COLEC11: variants seen among roughly 807,000 people sequenced by gnomAD.
COLEC11 encodes collectin-11.
COLEC11 carries 20 observed loss-of-function variants against 27.3 expected under a neutral mutation model. The observed-to-expected ratio is 0.73, with a 90% CI of 0.51 to 1.06. The LOEUF is 1.06. Among genes scored for constraint, COLEC11 ranks in the 50% least tolerant of loss-of-function variants. COLEC11 has a pLI of 0.00. For missense variants in COLEC11, 310 were observed against 383.0 expected (o/e 0.81, Z 1.59); for synonymous variants, 163 against 154.7 (o/e 1.05, Z -0.40).
At chr2:3,603,964 T>C (rs1461236140) in intron 1 of COLEC11, 2 of 564,966 alleles carry the variant, frequency 3.5e-6, no homozygotes, top group East Asian at 5.9e-5. Context: ...TCCATGTCTG[T>C]GGCTGGCTAT....
chr2:3,613,980 C>CT (rs57071680), intron 3 of COLEC11, among the ~76,000 whole-genome samples: 90,764 of 130,890 alleles, frequency 0.69, 31,159 homozygotes, highest in South Asian at 0.89. Flanking sequence ...TTCTTTCTTT[C>CT]TTTTTTTTTT....
In COLEC11 at chr2:3,611,107, G is replaced by A. The variant is rs187803934; in HGVS notation, c.131-2204G>A. Among the ~76,000 whole-genome samples the A allele has an allele frequency of 3.9e-5, 6 of 152,322 alleles. No individual in the cohort carries two copies. In the East Asian group the frequency reaches 1.2e-3, roughly 29 times the overall value. ...GCAGCTACTAAATCTTCGCAGCCAC[G>A]AAGGCTTTGTTCCTCTCTTTCCGGA... On this transcript the variant is annotated intron_variant, in intron 2 of 6. Transcript: ENST00000349077.
intron 3 of COLEC11, among the ~76,000 whole-genome samples, chr2:3,630,532 C>T (rs1664925103): frequency 6.6e-6 from 1 of 152,112 alleles, no homozygotes; most frequent in Non-Finnish European, 1.5e-5. Context: ...AATGAGTGCC[C>T]TTTACAGATT....
chr2:3,606,286 G>A, intron 2 of COLEC11: 2 of 1,509,002 alleles, frequency 1.3e-6, no homozygotes, highest in Non-Finnish European at 1.8e-6. Context: ...TGGGCTCCAG[G>A]GTCCTTTCTG....
At chr2:3,606,258 C>T (rs1197015763) in intron 2 of COLEC11, 12 of 1,548,782 alleles carry the variant, frequency 7.7e-6, no homozygotes, top group South Asian at 2.4e-5. Flanking sequence ...GTAGCCTGCA[C>T]TGGTGGGGGC....
At chr2:3,623,092 G>A (rs888030600) in intron 3 of COLEC11, among the ~76,000 whole-genome samples, 1 of 152,060 alleles carries the variant, frequency 6.6e-6, no homozygotes, top group Middle Eastern at 3.2e-3. Context: ...TTTTCTTTCA[G>A]TACTTTGAAT....
At chr2:3,604,989 C>G (rs1340873138) in intron 2 of COLEC11, 1 of 451,364 alleles carries the variant, frequency 2.2e-6, no homozygotes. Context: ...GTTGCTTTGT[C>G]TGTAATCTGC....
chr2:3,606,211 G>A, intron 2 of COLEC11: 2 of 1,550,522 alleles, frequency 1.3e-6, no homozygotes, highest in Non-Finnish European at 1.7e-6. Context: ...GTGCCTCCGA[G>A]TCCCTACGGT....
chr2:3,604,129 T>G, intron 1 of COLEC11, 186 bp from the exon 2 acceptor site: 1 of 660,880 alleles, frequency 1.5e-6, no homozygotes, highest in South Asian at 1.8e-5. Flanking sequence ...CTGGGGCTGC[T>G]GTGGAAGCTT....
chr2:3,643,761 C>A lies in COLEC11; in HGVS notation c.459C>A (p.Ile153=), dbSNP rs1341715444. 1.2e-6 allele frequency: 2 copies of A among 1,613,682 alleles called. No individual in the cohort carries two copies. Among genetic ancestry groups the A allele is most frequent in the African/African-American group, 2.7e-5 (2 of 75,078 alleles). ...GTGTGCGCGAGACGGAGAGCAAGAT[C>A]TACCTGCTGGTGAAGGAGGAGAAGC... ...VAGVRETESK[I]YLLVKEEKRY... Residue 153 remains isoleucine (I), a synonymous_variant, in exon 7 of 7, where the codon ATC becomes ATA. Coordinates refer to ENST00000349077, the MANE Select transcript of COLEC11 (RefSeq NM_024027.5).
At position 3,642,402 on chromosome 2, in the gene COLEC11, A is replaced by G. The variant is rs550584040; in HGVS notation, c.329-1042A>G. ...CCTGTGAGGTGTTCCCTGTTATTTC[A>G]GTGTGGGAGGTGGCTTCCCACCATG... On this transcript the variant is annotated intron_variant, in intron 5 of 6. Transcript: ENST00000349077. Among the ~76,000 whole-genome samples, 3 of 152,276 alleles carry G rather than the reference A, an allele frequency of 2.0e-5. No individual in the cohort carries two copies. The South Asian group carries it at 6.2e-4, about 32-fold the overall frequency.
At chr2:3,611,073 T>A (rs960637692) in intron 2 of COLEC11, among the ~76,000 whole-genome samples, 36 of 152,260 alleles carry the variant, frequency 2.4e-4, no homozygotes, top group Admixed American at 2.0e-4. Context: ...TCCTTAGCAC[T>A]GGGAAATCGC....
At chr2:3,623,297 C>T (rs1401612220) in intron 3 of COLEC11, among the ~76,000 whole-genome samples, 1 of 152,098 alleles carries the variant, frequency 6.6e-6, no homozygotes, top group African/African-American at 2.4e-5. Flanking sequence ...TATTTGGAGA[C>T]TTTAAGCTTC....
At chr2:3,628,046 A>G (rs1028964486) in intron 3 of COLEC11, among the ~76,000 whole-genome samples, 1 of 152,228 alleles carries the variant, frequency 6.6e-6, no homozygotes, top group Admixed American at 6.5e-5. Flanking sequence ...CGTTGCTGCC[A>G]TGAGTGGGCC....
At chr2:3,636,054 C>T (rs746776326) in intron 3 of COLEC11, among the ~76,000 whole-genome samples, 2 of 152,250 alleles carry the variant, frequency 1.3e-5, no homozygotes, top group Non-Finnish European at 2.9e-5. Flanking sequence ...AACGTTACAT[C>T]TGCTTCGCAA....
chr2:3,631,456 G>A (rs1664993513), intron 3 of COLEC11, among the ~76,000 whole-genome samples: 1 of 152,128 alleles, frequency 6.6e-6, no homozygotes, highest in Non-Finnish European at 1.5e-5. Context: ...TGGAGGGAGT[G>A]TTTCTCCACC....
At chr2:3,617,499 A>G (rs548453414) in intron 3 of COLEC11, 2 of 1,434,976 alleles carry the variant, frequency 1.4e-6, no homozygotes, top group Non-Finnish European at 2.0e-6. Flanking sequence ...GTAAAATAAG[A>G]AGGCAATGCT....
intron 2 of COLEC11, among the ~76,000 whole-genome samples, chr2:3,607,714 G>A (rs1254966693): frequency 6.6e-6 from 1 of 152,160 alleles, no homozygotes; most frequent in Admixed American, 6.5e-5. Flanking sequence ...TTCCCAAAGT[G>A]CTGGGATTAC....
intron 4 of COLEC11, among the ~76,000 whole-genome samples, chr2:3,639,992 G>A (rs1298395540): frequency 2.0e-5 from 3 of 152,204 alleles, no homozygotes; most frequent in Non-Finnish European, 4.4e-5. Context: ...GGATTCATGA[G>A]GCGATGTCTG....
Sources: allele counts gnomAD v4.1 joint callset (sites outside exome capture counted in the v4.1 genomes callset), GRCh38; gene constraint gnomAD v4.1.1; transcripts MANE v1.5; gene names NCBI Gene and HGNC (gene_info 2026-07-23, HGNC 2026-07-21).